The following WIPF1 variants were observed in gnomAD, a reference collection of about 807,000 sequenced individuals.
WIPF1 encodes WAS/WASL-interacting protein family member 1.
In WIPF1, 13 loss-of-function variants were observed where a neutral mutation model predicts 35.4. The observed-to-expected ratio is 0.37, with a 90% CI of 0.24 to 0.58. The LOEUF is 0.58. Ranked by LOEUF, WIPF1 falls within the 20% of genes least tolerant of loss-of-function variation. The pLI is 0.74. For synonymous variants in WIPF1, 267 were observed against 266.3 expected (o/e 1.00, Z -0.02); for missense variants, 591 against 667.0 (o/e 0.89, Z 1.25).
chr2:174,610,101 A>G (rs1466679337), intron 1 of WIPF1, among the ~76,000 whole-genome samples: 2 of 152,214 alleles, frequency 1.3e-5, no homozygotes, highest in Non-Finnish European at 2.9e-5. Flanking sequence ...ATTGTTGGAA[A>G]AACACTTTCG....
Position 174,653,367 on chromosome 2 carries a change from A to G in WIPF1, c.-39+29407T>C, listed in dbSNP as rs78733593. ...TAATTTTGGGATAGAAATGGAGCTTACCTGTGTCAGTGAATATATGGGGAT... is the reference window on the plus strand; with the variant it reads ...TAATTTTGGGATAGAAATGGAGCTTGCCTGTGTCAGTGAATATATGGGGAT... On this transcript the variant is annotated intron_variant, in intron 1 of 8. Coordinates refer to the WIPF1 transcript ENST00000272746. Among the ~76,000 whole-genome samples the G allele has an allele frequency of 7.2e-3, 1,102 of 152,212 alleles. 20 individuals are homozygous for G. The highest frequency in any genetic ancestry group is 0.025 in the African/African-American group (1,057 of 41,526).
intron 1 of WIPF1, among the ~76,000 whole-genome samples, chr2:174,662,562 C>T (rs1269254070): frequency 6.6e-6 from 1 of 152,254 alleles, no homozygotes; most frequent in African/African-American, 2.4e-5. Context: ...TAGAGCTAAT[C>T]TGAGCCCCCT....
intron 1 of WIPF1, among the ~76,000 whole-genome samples, chr2:174,609,549 T>A (rs573622496): frequency 3.9e-5 from 6 of 152,376 alleles, no homozygotes; most frequent in Non-Finnish European, 8.8e-5. Context: ...TGTTTTCTGA[T>A]GAGTTGTACC....
At chr2:174,600,138 CTG>C (rs1685955143), upstream of WIPF1, among the ~76,000 whole-genome samples, 2 of 152,140 alleles carry the variant, frequency 1.3e-5, no homozygotes, top group African/African-American at 4.8e-5. Context: ...TCACTTCCTG[CTG>C]TGTGGCCTGG....
chr2:174,648,844 C>A (rs530194777), intron 1 of WIPF1, among the ~76,000 whole-genome samples: 18 of 152,298 alleles, frequency 1.2e-4, no homozygotes, highest in African/African-American at 4.1e-4. Flanking sequence ...ACAAACAAAG[C>A]AAAGCAACCC....
chr2:174,570,655 AC>A (rs1684799118), intron 5 of WIPF1: 1 of 152,156 alleles, frequency 6.6e-6, no homozygotes, highest in African/African-American at 2.4e-5. Context: ...CCGGGAAGGG[AC>A]CCAGGCATTG....
intron 1 of WIPF1, among the ~76,000 whole-genome samples, chr2:174,675,469 G>A (rs1559179778): frequency 6.6e-6 from 1 of 151,728 alleles, no homozygotes; most frequent in Admixed American, 6.6e-5. Context: ...TGATCCTCCC[G>A]CCTCAGCTTC....
At chr2:174,680,191 T>C (rs1008183311) in intron 1 of WIPF1, among the ~76,000 whole-genome samples, 1 of 152,206 alleles carries the variant, frequency 6.6e-6, no homozygotes, top group Non-Finnish European at 1.5e-5. Flanking sequence ...GCAGACTTCA[T>C]CTCTTTCTGA....
chr2:174,614,990 T>C (rs1209869460), intron 1 of WIPF1, among the ~76,000 whole-genome samples: 3 of 152,174 alleles, frequency 2.0e-5, no homozygotes, highest in East Asian at 3.8e-4. Context: ...ATAAGTAACA[T>C]GGAGAAGTTC....
chr2:174,572,104 G>A lies in WIPF1; in HGVS notation c.701C>T (p.Ser234Leu), dbSNP rs1386352397. The change falls in exon 5 of 8, where the codon TCA (serine) becomes TTA (leucine). Residue 234 changes from serine to leucine, a missense_variant. Transcript: ENST00000679041. ...GNRGTALGGG[S>L]IRQSPLSSSS... ...GGAGCTCAAGGGGGACTGACGTATTGAGCCTCCTCCCAAAGCAGTGCCGCG... is the reference window on the plus strand; with the variant it reads ...GGAGCTCAAGGGGGACTGACGTATTAAGCCTCCTCCCAAAGCAGTGCCGCG... 2.5e-6 allele frequency: 4 copies of A among 1,597,020 alleles called. No individual in the cohort carries two copies. Among genetic ancestry groups the A allele is most frequent in the Middle Eastern group, 1.7e-4 (1 of 5,920 alleles).
chr2:174,663,539 C>T (rs1687824240), intron 1 of WIPF1, among the ~76,000 whole-genome samples: 1 of 151,604 alleles, frequency 6.6e-6, no homozygotes. Context: ...GCAAAGTGGC[C>T]TTTGGCCTCA....
intron 1 of WIPF1, among the ~76,000 whole-genome samples, chr2:174,662,363 T>C (rs1687796201): frequency 3.9e-5 from 6 of 152,176 alleles, no homozygotes; most frequent in Admixed American, 3.9e-4. Flanking sequence ...CTGTTCCCCA[T>C]ACATCGGTGA....
At chr2:174,568,119 C>T in intron 5 of WIPF1, 46 bp from the exon 6 acceptor site, 1 of 1,571,228 alleles carries the variant, frequency 6.4e-7, no homozygotes, top group Non-Finnish European at 8.6e-7. Context: ...CATCCACATT[C>T]CATTACCGTG....
intron 1 of WIPF1, among the ~76,000 whole-genome samples, chr2:174,594,941 C>T (rs139411298): frequency 6.6e-6 from 1 of 150,624 alleles, no homozygotes; most frequent in African/African-American, 2.4e-5. Context: ...TTCCCAAGGC[C>T]GGAAAAGCAC....
At position 174,581,343 on chromosome 2, in the gene WIPF1, C is replaced by T. The variant is rs1685235708; in HGVS notation, c.148G>A (p.Val50Ile). 3.7e-6 allele frequency: 6 copies of T among 1,614,050 alleles called. No individual in the cohort carries two copies. The East Asian group carries it at 1.1e-4, about 30-fold the overall frequency. Residue 50 changes from valine (V) to isoleucine (I), a missense_variant, in exon 3 of 8, where the codon GTC (valine) becomes ATC (isoleucine). Transcript: ENST00000679041. ...ATTGGTGCACTTCTGTCATTGGTGA[C>T]CGTCTTCTTTAGTTTCTTCCCTTTG... ...ISKGKKLKKT[V>I]TNDRSAPILD...
intron 1 of WIPF1, among the ~76,000 whole-genome samples, chr2:174,635,997 G>A (rs1444473678): frequency 6.6e-6 from 1 of 152,148 alleles, no homozygotes; most frequent in African/African-American, 2.4e-5. Flanking sequence ...TTTTCTGATT[G>A]AAATGACATT....
intron 1 of WIPF1, among the ~76,000 whole-genome samples, chr2:174,632,480 C>T (rs1435287755): frequency 2.6e-5 from 4 of 151,968 alleles, no homozygotes; most frequent in South Asian, 2.1e-4. Flanking sequence ...GAGGCTGAGG[C>T]GGGCGGATCA....
chr2:174,589,110 A>AGCCC (rs1388242931), intron 1 of WIPF1, among the ~76,000 whole-genome samples: 1 of 152,198 alleles, frequency 6.6e-6, no homozygotes, highest in Non-Finnish European at 1.5e-5. Flanking sequence ...CACCTCACTC[A>AGCCC]GCCCCTGGAT....
intron 1 of WIPF1, among the ~76,000 whole-genome samples, chr2:174,615,294 A>G (rs1686473637): frequency 6.6e-6 from 1 of 152,192 alleles, no homozygotes; most frequent in South Asian, 2.1e-4. Context: ...ATACAAAATA[A>G]GCAATTACAT....
Sources: gnomAD v4.1 joint callset for allele counts (sites outside exome capture counted in the v4.1 genomes callset) on GRCh38, gnomAD v4.1.1 for gene constraint, MANE v1.5 for transcripts, NCBI Gene and HGNC (gene_info 2026-07-23, HGNC 2026-07-21) for gene names.